Variants in FAM114A1 observed in about 807,000 individuals in gnomAD.
The protein encoded by FAM114A1 is protein NOXP20.
FAM114A1 carries 62 observed loss-of-function variants against 64.3 expected under a neutral mutation model. That is an observed-to-expected ratio of 0.96 (90% CI 0.79 to 1.19). FAM114A1 has a LOEUF of 1.19. Ranked by LOEUF, FAM114A1 falls within the 50% of genes most tolerant of loss-of-function variation. The probability of loss-of-function intolerance (pLI) is 0.00; values close to 1 mark genes in which losing one functional copy is unlikely to be tolerated. For missense variants in FAM114A1, 645 were observed against 676.3 expected, an observed-to-expected ratio of 0.95 and a Z score of 0.51; for synonymous variants, 254 against 251.1, an observed-to-expected ratio of 1.01 and a Z score of -0.11.
chr4:38,870,780 G>A (rs1713974819), intron 2 of FAM114A1, among the ~76,000 whole-genome samples: 1 of 152,164 alleles, frequency 6.6e-6, no homozygotes, highest in African/African-American at 2.4e-5. Context: ...CACAGTGCTT[G>A]TCATGACTGT....
rs761140777 is a variant in FAM114A1, at chr4:38,914,909, G to A, written c.793-12G>A. 6.2e-7 allele frequency: 1 copy of A among 1,613,182 alleles called. No homozygotes were observed. Among genetic ancestry groups the A allele is most frequent in the Non-Finnish European group, 8.5e-7 (1 of 1,179,400 alleles). On this transcript the variant is annotated splice_polypyrimidine_tract_variant and intron_variant, in intron 7 of 14. Coordinates refer to ENST00000358869, the MANE Select transcript of FAM114A1 (RefSeq NM_138389.4). The stretch of plus-strand genomic sequence containing the variant: ...TGTACATCCAGAGTACAAACATTGT[G>A]TATTTCTGCAGATGTTAAGGGAAGC...
rs907446766 is a variant in FAM114A1 at position 38,891,888 on chromosome 4, C to T, written c.436+58C>T. ...AGTACCAAAGCCTAATAGGATAGGA[C>T]GTTTTGATCGTACTGTATACTAATA... On this transcript the variant is annotated intron_variant, in intron 4 of 14. Coordinates refer to ENST00000358869, the MANE Select transcript of FAM114A1 (RefSeq NM_138389.4). 28 of 1,478,894 alleles carry T rather than the reference C, an allele frequency of 1.9e-5. 1 individual carries two copies. The highest frequency in any genetic ancestry group is 1.7e-4 in the Admixed American group (8 of 48,328). 91.6% of individuals were successfully genotyped at this position (1,478,894 alleles called of 1,614,324 possible). A position where few individuals can be genotyped will look rare whatever the true frequency, so the allele number is the denominator to read the frequency against.
At position 38,914,902 on chromosome 4, in the gene FAM114A1, A is replaced by G; in HGVS notation, c.793-19A>G. The stretch of plus-strand genomic sequence containing the variant: ...TTTTAAATGTACATCCAGAGTACAA[A>G]CATTGTGTATTTCTGCAGATGTTAA... On this transcript the variant is annotated intron_variant, in intron 7 of 14. Coordinates refer to ENST00000358869, the MANE Select transcript of FAM114A1 (RefSeq NM_138389.4). 6.2e-7 allele frequency: 1 copy of G among 1,612,540 alleles called. No individual in the cohort carries two copies. The highest frequency in any genetic ancestry group is 1.1e-5 in the South Asian group (1 of 90,942).
chr4:38,932,947 A>G (rs1720781911), intron 12 of FAM114A1, among the ~76,000 whole-genome samples: 1 of 147,176 alleles, frequency 6.8e-6, no homozygotes, highest in Non-Finnish European at 1.5e-5. Flanking sequence ...TCCGCCTCCC[A>G]GGTTCAAGCG....
chr4:38,911,861 C>CTTTTTTTTTTTTTTT (rs375816760), intron 7 of FAM114A1, among the ~76,000 whole-genome samples: 1 of 54,040 alleles, frequency 1.9e-5, no homozygotes, highest in Admixed American at 2.2e-4. Flanking sequence ...TTTCTTTTTT[C>CTTTTTTTTTTTTTTT]TTTTTTTTTT....
At chr4:38,886,066 C>T (rs371289146) in intron 3 of FAM114A1, among the ~76,000 whole-genome samples, 3 of 151,978 alleles carry the variant, frequency 2.0e-5, no homozygotes, top group South Asian at 4.2e-4. Flanking sequence ...GCTTTGACAA[C>T]AGGAAGCCAC....
Position 38,916,171 on chromosome 4 carries a change from G to A in FAM114A1, c.945+1098G>A, listed in dbSNP as rs979839719. Among the ~76,000 whole-genome samples the A allele has an allele frequency of 2.0e-5, 3 of 152,322 alleles. No homozygotes were observed. The South Asian group carries it at 6.2e-4, about 32-fold the overall frequency. On this transcript the variant is annotated intron_variant, in intron 8 of 14. Coordinates refer to ENST00000358869, the MANE Select transcript of FAM114A1 (RefSeq NM_138389.4). ...ATAACAGGCAACCAAGAACCAAATA[G>A]GATGGAGACATTGTCCCCTGCCCCA...
intron 8 of FAM114A1, among the ~76,000 whole-genome samples, chr4:38,915,744 G>GGTGT (rs58018099): frequency 0.039 from 5,456 of 139,128 alleles, 133 homozygotes; most frequent in Non-Finnish European, 0.054. Flanking sequence ...CATCTATAGT[G>GGTGT]GTGTGTGTGT....
At chr4:38,895,348 C>A (rs1297742279) in intron 4 of FAM114A1, among the ~76,000 whole-genome samples, 3 of 152,230 alleles carry the variant, frequency 2.0e-5, no homozygotes, top group Non-Finnish European at 2.9e-5. Flanking sequence ...TCAAAGCCAG[C>A]AGGAAAATCT....
chr4:38,905,912 T>C, intron 6 of FAM114A1, 51 bp downstream of exon 6: 1 of 1,502,336 alleles, frequency 6.7e-7, no homozygotes, highest in South Asian at 1.2e-5. Flanking sequence ...CAGGGCCTTC[T>C]TTTGATATTT....
At chr4:38,891,173 A>G (rs1716337977) in intron 3 of FAM114A1, among the ~76,000 whole-genome samples, 1 of 152,226 alleles carries the variant, frequency 6.6e-6, no homozygotes, top group Admixed American at 6.5e-5. Flanking sequence ...TATAGGAGTC[A>G]CTATGAGTGA....
At chr4:38,881,745 G>A (rs762935916) in intron 3 of FAM114A1, among the ~76,000 whole-genome samples, 2 of 152,126 alleles carry the variant, frequency 1.3e-5, no homozygotes, top group African/African-American at 2.4e-5. Context: ...TTTGATTATT[G>A]TTCATTTTTT....
chr4:38,933,877 C>G (rs569967850), intron 12 of FAM114A1, among the ~76,000 whole-genome samples: 2 of 152,242 alleles, frequency 1.3e-5, no homozygotes, highest in South Asian at 4.1e-4. Flanking sequence ...TTGACATTGT[C>G]GGTTGGGGAG....
At chr4:38,887,027 C>G (rs1007630937) in intron 3 of FAM114A1, among the ~76,000 whole-genome samples, 1 of 151,522 alleles carries the variant, frequency 6.6e-6, no homozygotes, top group Non-Finnish European at 1.5e-5. Flanking sequence ...CTAACCAGAT[C>G]GGGAGATGTG....
rs757409156 is a variant in FAM114A1 at position 38,905,478 on chromosome 4, T to C, written c.437-44T>C. The C allele has an allele frequency of 2.2e-6, 3 of 1,388,640 alleles. No homozygotes were observed. In the South Asian group the frequency reaches 3.6e-5, roughly 17 times the overall value. 86.0% of individuals were successfully genotyped at this position (1,388,640 alleles called of 1,614,324 possible). ...GATTTGGTGGAGGATTTGCAGACCG[T>C]GGATTTCTAATGTATCCATGAACCA... On this transcript the variant is annotated intron_variant, in intron 4 of 14. Transcript: ENST00000358869.
intron 8 of FAM114A1, 21 bp from the exon 9 acceptor site, chr4:38,922,749 C>G (rs751527828): frequency 6.2e-7 from 1 of 1,603,142 alleles, no homozygotes; most frequent in African/African-American, 1.3e-5. Flanking sequence ...GACAGTCGTG[C>G]TGACCTATTT....
intron 7 of FAM114A1, among the ~76,000 whole-genome samples, chr4:38,909,288 G>T (rs1052473924): frequency 6.6e-6 from 1 of 152,198 alleles, no homozygotes; most frequent in South Asian, 2.1e-4. Flanking sequence ...GATACGCTGA[G>T]TTAGAATAGA....
chr4:38,931,420 A>T, intron 10 of FAM114A1, 31 bp from the exon 11 acceptor site: 1 of 1,574,786 alleles, frequency 6.4e-7, no homozygotes, highest in Non-Finnish European at 8.6e-7. Flanking sequence ...TTTGCGCCAT[A>T]AAAGGATTGT....
At chr4:38,925,411 G>T (rs1393988643) in intron 9 of FAM114A1, among the ~76,000 whole-genome samples, 1 of 152,310 alleles carries the variant, frequency 6.6e-6, no homozygotes, top group African/African-American at 2.4e-5. Flanking sequence ...CTGTCGTAAG[G>T]AATCTTTGCA....
Sources: gnomAD v4.1 joint callset for allele counts (sites outside exome capture counted in the v4.1 genomes callset) on GRCh38, gnomAD v4.1.1 for gene constraint, MANE v1.5 for transcripts, NCBI Gene and HGNC (gene_info 2026-07-23, HGNC 2026-07-21) for gene names.